Variants in SPEF2 observed in about 807,000 individuals in gnomAD.
SPEF2 encodes sperm flagella and cilia-associated protein 2.
SPEF2 carries 187 observed loss-of-function variants against 224.6 expected under a neutral mutation model. That is an observed-to-expected ratio of 0.83 (90% CI 0.74 to 0.94). SPEF2 has a LOEUF of 0.94. Among genes scored for constraint, SPEF2 ranks in the 40% least tolerant of loss-of-function variants. The pLI is 0.00. For synonymous variants in SPEF2, 715 were observed against 707.3 expected, an observed-to-expected ratio of 1.01 and a Z score of -0.17; for missense variants, 2,170 against 2,135.6, an observed-to-expected ratio of 1.02 and a Z score of -0.32.
intron 33 of SPEF2, among the ~76,000 whole-genome samples, chr5:35,798,527 A>C (rs867355938): frequency 1.4e-5 from 2 of 147,368 alleles, no homozygotes; most frequent in Admixed American, 6.7e-5. Context: ...CCCCCTCTCC[A>C]CTCTTCACTC....
chr5:35,794,358 C>A (rs1467306189), intron 32 of SPEF2, among the ~76,000 whole-genome samples: 1 of 152,144 alleles, frequency 6.6e-6, no homozygotes, highest in Non-Finnish European at 1.5e-5. Flanking sequence ...AATCATACCC[C>A]TTCCTGTTTC....
chr5:35,800,359 C>A (rs1361890930), intron 34 of SPEF2, among the ~76,000 whole-genome samples: 1 of 152,064 alleles, frequency 6.6e-6, no homozygotes, highest in Non-Finnish European at 1.5e-5. Context: ...GTGGTAAAAT[C>A]AAGATTTATT....
chr5:35,674,381 A>T (rs71617727), intron 10 of SPEF2, among the ~76,000 whole-genome samples: 46,049 of 93,534 alleles, frequency 0.49, 8,455 homozygotes, highest in Middle Eastern at 0.57. Context: ...TCTTTTTATT[A>T]TTATTATTAT....
intron 30 of SPEF2, chr5:35,789,242 G>C (rs1215843874): frequency 2.8e-6 from 2 of 703,016 alleles, no homozygotes; most frequent in Admixed American, 4.0e-5. Flanking sequence ...TGTTAAATTT[G>C]CCCACTTCTT....
intron 30 of SPEF2, chr5:35,790,479 C>T: frequency 2.3e-6 from 1 of 430,584 alleles, no homozygotes; most frequent in Non-Finnish European, 4.1e-6. Context: ...AAAAGTAAAA[C>T]AGTAACTTCT....
chr5:35,709,436 C>T (rs372859524), intron 19 of SPEF2: 53 of 1,090,972 alleles, frequency 4.9e-5, no homozygotes, highest in African/African-American at 2.3e-4. Context: ...AGAGGATACA[C>T]GTCTGTGTGC....
At position 35,795,727 on chromosome 5, in the gene SPEF2, G is replaced by T; in HGVS notation, c.4762G>T (p.Glu1588Ter). The T allele has an allele frequency of 6.2e-7, 1 of 1,613,982 alleles. No homozygotes were observed. The highest frequency in any genetic ancestry group is 2.2e-5 in the East Asian group (1 of 44,864). The stretch of plus-strand genomic sequence containing the variant: ...GGCTGGTCTGTGGTTTACAGGAGAT[G>T]AAGATATAAAAATTCCAGAAAATCC... ...MQAGLWFTGDEDIKIPENPLE... is the reference protein window; with the variant it reads ...MQAGLWFTGD The change falls in exon 33 of 37, where the codon GAA becomes TAA. Residue 1588 changes from glutamate (E) to a stop codon, truncating the protein, a stop_gained. Transcript: ENST00000356031. LOFTEE classifies it high-confidence loss of function.
At chr5:35,651,295 A>G (rs942000880) in intron 6 of SPEF2, among the ~76,000 whole-genome samples, 1 of 152,120 alleles carries the variant, frequency 6.6e-6, no homozygotes, top group African/African-American at 2.4e-5. Flanking sequence ...AAGGGAGGGA[A>G]ATAGTAGTGT....
chr5:35,700,585 G>A lies in SPEF2; in HGVS notation c.2231G>A (p.Cys744Tyr). The part of the protein sequence containing the change: ...AQLLEEALTG[C>Y]NRNLTEVERK... ...CTTCTGGAAGAAGCTCTTACAGGCT[G>A]CAATAGAAACCTCACAGAAGTGGAA... The change falls in exon 16 of 37, where the codon TGC (cysteine) becomes TAC (tyrosine). Residue 744 changes from cysteine to tyrosine, a missense_variant. Coordinates refer to ENST00000356031, the MANE Select transcript of SPEF2 (RefSeq NM_024867.4). The A allele has an allele frequency of 6.2e-7, 1 of 1,613,822 alleles. No individual in the cohort carries two copies. The highest frequency in any genetic ancestry group is 8.5e-7 in the Non-Finnish European group (1 of 1,179,934).
At chr5:35,683,800 CCTT>C (rs1388955329) in intron 10 of SPEF2, among the ~76,000 whole-genome samples, 1 of 152,158 alleles carries the variant, frequency 6.6e-6, no homozygotes, top group African/African-American at 2.4e-5. Context: ...TATACTTACA[CCTT>C]CTCAAAAATA....
Position 35,740,377 on chromosome 5 carries a change from A to G in SPEF2, c.3330+110A>G, listed in dbSNP as rs1747407890. The G allele has an allele frequency of 4.9e-6, 7 of 1,419,460 alleles. No homozygotes were observed. The South Asian group carries it at 6.5e-5, about 13-fold the overall frequency. 87.9% of individuals were successfully genotyped at this position (1,419,460 alleles called of 1,614,324 possible). A position where few individuals can be genotyped will look rare whatever the true frequency, so the allele number is the denominator to read the frequency against. ...TTTGTGAAGTATGAGGATGAGAAAG[A>G]AAATGGTTTGAACTATTAACCAGGT... On this transcript the variant is annotated intron_variant, in intron 23 of 36. Coordinates refer to ENST00000356031, the MANE Select transcript of SPEF2 (RefSeq NM_024867.4).
At chr5:35,792,496 A>G (rs1231285773) in intron 31 of SPEF2, 50 bp downstream of exon 31, 2 of 1,423,298 alleles carry the variant, frequency 1.4e-6, no homozygotes, top group Admixed American at 1.7e-5. Flanking sequence ...TTCTTATTTG[A>G]TCAATGCATC....
At position 35,733,158 on chromosome 5, in the gene SPEF2, A is replaced by G. The variant is rs546080074; in HGVS notation, c.3063+5335A>G. Among the ~76,000 whole-genome samples, 3 of 151,874 alleles carry G rather than the reference A, an allele frequency of 2.0e-5. No individual in the cohort carries two copies. The South Asian group carries it at 6.2e-4, about 32-fold the overall frequency. ...GAGATGGAGTCTCGCTCTGTCACCC[A>G]GGCTGGAGTGCAGTGGCATGATCTT... On this transcript the variant is annotated intron_variant, in intron 21 of 36. Coordinates refer to ENST00000356031, the MANE Select transcript of SPEF2 (RefSeq NM_024867.4).
At chr5:35,693,065 C>A (rs1754757050) in intron 12 of SPEF2, among the ~76,000 whole-genome samples, 1 of 152,034 alleles carries the variant, frequency 6.6e-6, no homozygotes, top group Non-Finnish European at 1.5e-5. Context: ...GAAAGAGCCA[C>A]TAGCTGGTAA....
chr5:35,797,585 G>A lies in SPEF2; in HGVS notation c.4830+1790G>A, dbSNP rs112131991. Among the ~76,000 whole-genome samples the A allele has an allele frequency of 1.5e-3, 228 of 152,182 alleles. 1 individual carries two copies. Among genetic ancestry groups the A allele is most frequent in the African/African-American group, 5.2e-3 (215 of 41,510 alleles). On this transcript the variant is annotated intron_variant, in intron 33 of 36. Transcript: ENST00000356031. ...CTGGTGGGGCTGTTGTGCAGAGGGAGTTCCTGTGTGTGGTACTCTTGGAAC... is the reference window on the plus strand; with the variant it reads ...CTGGTGGGGCTGTTGTGCAGAGGGAATTCCTGTGTGTGGTACTCTTGGAAC...
chr5:35,735,397 C>G (rs951629603), intron 21 of SPEF2, among the ~76,000 whole-genome samples: 1 of 152,186 alleles, frequency 6.6e-6, no homozygotes, highest in African/African-American at 2.4e-5. Context: ...TGTAGTCTGT[C>G]CTTCTCCAAA....
intron 7 of SPEF2, among the ~76,000 whole-genome samples, chr5:35,658,714 T>C (rs751288943): frequency 5.3e-5 from 8 of 152,194 alleles, no homozygotes; most frequent in Admixed American, 3.3e-4. Context: ...ATCCATTAGC[T>C]ATTTGCTTGT....
Position 35,792,377 on chromosome 5 carries a change from C to A in SPEF2, c.4485C>A (p.Ile1495=), listed in dbSNP as rs750269898. The A allele has an allele frequency of 2.5e-6, 4 of 1,613,556 alleles. No individual in the cohort carries two copies. Among genetic ancestry groups the A allele is most frequent in the Non-Finnish European group, 3.4e-6 (4 of 1,179,762 alleles). ...ATAAAGCATTTACTGACATTCTGATCGATTTGGTGACCCTGAACCTTGGCA... is the reference window on the plus strand; with the variant it reads ...ATAAAGCATTTACTGACATTCTGATAGATTTGGTGACCCTGAACCTTGGCA... ...IGNKAFTDIL[I]DLVTLNLGTN... is the part of the protein sequence containing the mutation. Residue 1495 remains isoleucine, a synonymous_variant, in exon 31 of 37, where the codon ATC becomes ATA. Coordinates refer to ENST00000356031, the MANE Select transcript of SPEF2 (RefSeq NM_024867.4).
chr5:35,656,866 G>C lies in SPEF2; in HGVS notation c.978+2140G>C, dbSNP rs151092056. ...CTGCTTTTCTGTGTGTGGGTGAGCT[G>C]CTATTCCTAGAACCAGGCCTGAAGC... On this transcript the variant is annotated intron_variant, in intron 7 of 36. Coordinates refer to ENST00000356031, the MANE Select transcript of SPEF2 (RefSeq NM_024867.4). Among the ~76,000 whole-genome samples, 295 of 152,290 alleles carry C rather than the reference G, an allele frequency of 1.9e-3. 2 individuals carry two copies. Among genetic ancestry groups the C allele is most frequent in the African/African-American group, 6.7e-3 (278 of 41,562 alleles).
Sources: allele counts gnomAD v4.1 joint callset (sites outside exome capture counted in the v4.1 genomes callset), GRCh38; gene constraint gnomAD v4.1.1; transcripts MANE v1.5; gene names NCBI Gene and HGNC (gene_info 2026-07-23, HGNC 2026-07-21).